Variants in STXBP5L observed in about 807,000 individuals in gnomAD.
STXBP5L encodes syntaxin binding protein 5L, also known as syntaxin-binding protein 5-like.
Under a neutral mutation model 144.5 loss-of-function variants are expected in STXBP5L, and 65 were observed. That is an observed-to-expected ratio of 0.45 (90% CI 0.37 to 0.55). The LOEUF (loss-of-function observed/expected upper bound fraction) is 0.55, where lower values mean the gene tolerates loss of function less well. STXBP5L is among the 20% of genes least tolerant of loss of function. The probability of loss-of-function intolerance (pLI) is 0.00; values close to 1 mark genes in which losing one functional copy is unlikely to be tolerated. For missense variants in STXBP5L, 1,298 were observed against 1,405.5 expected, an observed-to-expected ratio of 0.92 and a Z score of 1.22; for synonymous variants, 505 against 469.6, an observed-to-expected ratio of 1.08 and a Z score of -0.97.
At chr3:121,210,894 G>A (rs1170003616) in intron 10 of STXBP5L, among the ~76,000 whole-genome samples, 3 of 152,186 alleles carry the variant, frequency 2.0e-5, no homozygotes, top group African/African-American at 4.8e-5. Context: ...TTTTGGCTTA[G>A]GATTGTCTTG....
At chr3:121,403,545 A>C (rs2046931118) in intron 22 of STXBP5L, among the ~76,000 whole-genome samples, 1 of 152,174 alleles carries the variant, frequency 6.6e-6, no homozygotes, top group African/African-American at 2.4e-5. Flanking sequence ...AAAAAAGAGA[A>C]ACAATGGGTT....
chr3:120,976,255 T>C (rs1204483360), intron 3 of STXBP5L, among the ~76,000 whole-genome samples: 5 of 152,228 alleles, frequency 3.3e-5, no homozygotes, highest in African/African-American at 4.8e-5. Context: ...ATTCAACTTC[T>C]TCCTGGTTTA....
intron 8 of STXBP5L, among the ~76,000 whole-genome samples, chr3:121,152,956 T>C (rs1490366814): frequency 6.6e-6 from 1 of 152,102 alleles, no homozygotes; most frequent in African/African-American, 2.4e-5. Flanking sequence ...TATTCACACC[T>C]TCCTTAGAAA....
intron 9 of STXBP5L, among the ~76,000 whole-genome samples, chr3:121,182,281 G>C (rs1005547416): frequency 1.1e-4 from 17 of 152,084 alleles, no homozygotes; most frequent in African/African-American, 3.9e-4. Context: ...CACAAAATAA[G>C]TCTCAATAAA....
rs558173093 is a variant in STXBP5L, at chr3:121,045,194, A to T, written c.370-241A>T. Among the ~76,000 whole-genome samples, 5 of 152,248 alleles carry T rather than the reference A, an allele frequency of 3.3e-5. No homozygotes were observed. The East Asian group carries it at 9.6e-4, about 29-fold the overall frequency. On this transcript the variant is annotated intron_variant, in intron 4 of 26. Transcript: ENST00000471454. ...ATAATAATTAATCCTCTCTATTGGT[A>T]AATAAATATTCCTTAAGCTAGTCTC... is the stretch of plus-strand genomic sequence containing the variant.
intron 2 of STXBP5L, among the ~76,000 whole-genome samples, chr3:120,942,289 G>T (rs1363279863): frequency 6.6e-6 from 1 of 151,604 alleles, no homozygotes; most frequent in Non-Finnish European, 1.5e-5. Context: ...AGCTACAGTA[G>T]AAATTGATGA....
chr3:121,364,394 C>A (rs539289897), intron 20 of STXBP5L, among the ~76,000 whole-genome samples: 2 of 151,734 alleles, frequency 1.3e-5, no homozygotes, highest in Admixed American at 6.6e-5. Context: ...AATCTTCCAA[C>A]TTTATTCTTC....
chr3:121,017,792 G>T (rs897135872), intron 3 of STXBP5L, among the ~76,000 whole-genome samples: 4 of 152,002 alleles, frequency 2.6e-5, no homozygotes, highest in Non-Finnish European at 4.4e-5. Flanking sequence ...ATAAATGGGG[G>T]GGTGGTGAAG....
At chr3:121,377,049 G>T (rs1462903029) in intron 20 of STXBP5L, among the ~76,000 whole-genome samples, 2 of 152,156 alleles carry the variant, frequency 1.3e-5, no homozygotes, top group South Asian at 2.1e-4. Flanking sequence ...TGGTGTATAG[G>T]ATTGCTTGTG....
intron 3 of STXBP5L, among the ~76,000 whole-genome samples, chr3:120,975,386 T>G (rs958395670): frequency 6.6e-6 from 1 of 152,190 alleles, no homozygotes; most frequent in Admixed American, 6.5e-5. Context: ...TTTTTGCACA[T>G]TGATTTTGTA....
intron 5 of STXBP5L, among the ~76,000 whole-genome samples, chr3:121,104,365 A>G (rs563005661): frequency 5.5e-4 from 84 of 152,292 alleles, no homozygotes; most frequent in Middle Eastern, 3.4e-3. Context: ...TTAAAATACC[A>G]TCATCATTCT....
Position 121,039,195 on chromosome 3 carries a change from T to G in STXBP5L, c.288-2505T>G, listed in dbSNP as rs911223304. Among the ~76,000 whole-genome samples, 5 of 151,906 alleles carry G rather than the reference T, an allele frequency of 3.3e-5. No homozygotes were observed. In the East Asian group the frequency reaches 9.6e-4, roughly 29 times the overall value. On this transcript the variant is annotated intron_variant, in intron 3 of 26. Transcript: ENST00000471454. ...TAGCTCCCCCCAACAATATTCTGCG[T>G]TATTTTTTGTTAAACTTTTTAATGA... is the stretch of plus-strand genomic sequence containing the variant.
chr3:120,987,129 T>C (rs1205648570), intron 3 of STXBP5L, among the ~76,000 whole-genome samples: 1 of 152,024 alleles, frequency 6.6e-6, no homozygotes, highest in Non-Finnish European at 1.5e-5. Flanking sequence ...AGACACATTA[T>C]AATCAGACTT....
At chr3:121,246,166 G>C (rs2049845153) in intron 14 of STXBP5L, among the ~76,000 whole-genome samples, 1 of 152,138 alleles carries the variant, frequency 6.6e-6, no homozygotes, top group African/African-American at 2.4e-5. Context: ...GTTAGATCAG[G>C]GACAGCATTG....
At chr3:121,210,947 G>GT (rs1188575619) in intron 10 of STXBP5L, among the ~76,000 whole-genome samples, 4 of 152,122 alleles carry the variant, frequency 2.6e-5, no homozygotes, top group Admixed American at 6.6e-5. Context: ...CTTTAAAGTA[G>GT]TTTTTTTCAA....
At chr3:121,352,709 C>T (rs1296441715) in intron 20 of STXBP5L, among the ~76,000 whole-genome samples, 1 of 151,954 alleles carries the variant, frequency 6.6e-6, no homozygotes, top group African/African-American at 2.4e-5. Flanking sequence ...CCAGAACTTC[C>T]AACATTATGT....
intron 3 of STXBP5L, among the ~76,000 whole-genome samples, chr3:120,999,675 G>A (rs1336728372): frequency 1.3e-5 from 2 of 152,094 alleles, no homozygotes; most frequent in Non-Finnish European, 2.9e-5. Flanking sequence ...AGCGTCAATG[G>A]TCTGTGTACT....
chr3:120,923,427 GTTGT>G (rs1209883503), intron 2 of STXBP5L, among the ~76,000 whole-genome samples: 3 of 151,640 alleles, frequency 2.0e-5, no homozygotes, highest in South Asian at 4.2e-4. Context: ...TGTATCTTAG[GTTGT>G]TTATTTGAAG....
At chr3:121,149,094 G>A (rs1436312504) in intron 7 of STXBP5L, among the ~76,000 whole-genome samples, 3 of 151,908 alleles carry the variant, frequency 2.0e-5, no homozygotes, top group Non-Finnish European at 4.4e-5. Context: ...TACGAAATAG[G>A]CTTCTGTGAA....
Sources: gnomAD v4.1 joint callset for allele counts (sites outside exome capture counted in the v4.1 genomes callset) on GRCh38, gnomAD v4.1.1 for gene constraint, MANE v1.5 for transcripts, NCBI Gene and HGNC (gene_info 2026-07-23, HGNC 2026-07-21) for gene names.